Variants in ARID2 observed in about 807,000 individuals in gnomAD.
ARID2 encodes AT-rich interaction domain 2, also known as AT-rich interactive domain-containing protein 2.
Under a neutral mutation model 184.6 loss-of-function variants are expected in ARID2, and 32 were observed. The ratio of observed to expected loss-of-function variants is 0.17; its 90% confidence interval spans 0.13 to 0.23. The LOEUF is 0.23. Ranked by LOEUF, ARID2 falls within the 10% of genes least tolerant of loss-of-function variation. ARID2 has a pLI of 1.00. For missense variants in ARID2, 1,696 were observed against 2,197.6 expected (o/e 0.77, Z 4.56); for synonymous variants, 836 against 772.6 (o/e 1.08, Z -1.36).
chr12:45,821,430 C>A lies in ARID2; in HGVS notation c.648C>A (p.Ser216=). ...TTATTTGTTTTTTAGCTTTAGGATC[C>A]TTTTCCACTGTATTTGGAGAAGAAT... ...NAGVFDDTLG[S]FSTVFGEEWK... is the part of the protein sequence containing the mutation. Residue 216 remains serine (S), a synonymous_variant, in exon 6 of 21, where the codon TCC becomes TCA. Coordinates refer to ENST00000334344, the MANE Select transcript of ARID2 (RefSeq NM_152641.4). 1.3e-6 allele frequency: 2 copies of A among 1,517,234 alleles called. No individual in the cohort carries two copies. Among genetic ancestry groups the A allele is most frequent in the Admixed American group, 2.3e-5 (1 of 42,568 alleles). 94.0% of individuals were successfully genotyped at this position (1,517,234 alleles called of 1,614,324 possible). A position where few individuals can be genotyped will look rare whatever the true frequency, so the allele number is the denominator to read the frequency against.
chr12:45,792,918 A>C (rs1942319222), intron 3 of ARID2, among the ~76,000 whole-genome samples: 1 of 152,212 alleles, frequency 6.6e-6, no homozygotes, highest in Admixed American at 6.5e-5. Context: ...CATATACTTG[A>C]ATTTTTAAAA....
chr12:45,736,070 A>T (rs1436453906), intron 3 of ARID2, among the ~76,000 whole-genome samples: 2 of 152,190 alleles, frequency 1.3e-5, no homozygotes, highest in African/African-American at 2.4e-5. Flanking sequence ...AGACAAGTAT[A>T]TTGTGGCCGG....
At chr12:45,861,672 C>A in intron 16 of ARID2, among the ~76,000 whole-genome samples, 1 of 151,150 alleles carries the variant, frequency 6.6e-6, no homozygotes, top group Non-Finnish European at 1.5e-5. Context: ...GCAACCTCCA[C>A]CTCCTAGGTT....
chr12:45,752,152 C>T (rs1433442581), intron 3 of ARID2, among the ~76,000 whole-genome samples: 1 of 152,016 alleles, frequency 6.6e-6, no homozygotes, highest in Non-Finnish European at 1.5e-5. Flanking sequence ...TTAGAAGATC[C>T]ATGGAGGGAA....
intron 3 of ARID2, among the ~76,000 whole-genome samples, chr12:45,801,197 A>G (rs948892242): frequency 2.0e-5 from 3 of 152,118 alleles, no homozygotes; most frequent in African/African-American, 7.2e-5. Context: ...CCGTAGTCGC[A>G]GCTACTTGGT....
At chr12:45,814,512 T>C (rs1345568329) in intron 4 of ARID2, among the ~76,000 whole-genome samples, 1 of 152,088 alleles carries the variant, frequency 6.6e-6, no homozygotes, top group Middle Eastern at 3.2e-3. Context: ...TGGCCAGGTG[T>C]GGTGTCGCAT....
At chr12:45,752,599 G>A (rs1481216500) in intron 3 of ARID2, among the ~76,000 whole-genome samples, 4 of 152,110 alleles carry the variant, frequency 2.6e-5, no homozygotes, top group South Asian at 2.1e-4. Flanking sequence ...ATAGCTCACC[G>A]TAGCCTTGAA....
rs574429317 is a variant in ARID2 at position 45,872,046 on chromosome 12, T to C, written c.4922+11097T>C. Among the ~76,000 whole-genome samples, 249 of 148,942 alleles carry C rather than the reference T, an allele frequency of 1.7e-3. 1 individual carries two copies. The highest frequency in any genetic ancestry group is 5.7e-3 in the African/African-American group (237 of 41,282). ...CTACAGGTTTATGTATTTTATTGAA[T>C]TTTTTTTCCCCCAAAGAACCAGCTT... On this transcript the variant is annotated intron_variant, in intron 16 of 20. Transcript: ENST00000334344.
chr12:45,869,413 C>CT (rs1015212165), intron 16 of ARID2, among the ~76,000 whole-genome samples: 21 of 149,602 alleles, frequency 1.4e-4, no homozygotes, highest in Admixed American at 6.0e-4. Context: ...CATGTTATTA[C>CT]TTTTTTTTTT....
intron 20 of ARID2, 126 bp from the exon 21 acceptor site, chr12:45,904,808 A>G: frequency 1.1e-6 from 1 of 905,972 alleles, no homozygotes; most frequent in Non-Finnish European, 1.6e-6. Context: ...GCAATACTAT[A>G]TTAACATTTA....
At chr12:45,897,266 T>C (rs1332112757) in intron 20 of ARID2, among the ~76,000 whole-genome samples, 1 of 152,250 alleles carries the variant, frequency 6.6e-6, no homozygotes, top group Non-Finnish European at 1.5e-5. Flanking sequence ...CCCTGTACCA[T>C]ATATAAAACC....
At position 45,851,293 on chromosome 12, in the gene ARID2, C is replaced by T. The variant is rs1234210825; in HGVS notation, c.3170C>T (p.Ser1057Leu). The part of the protein sequence containing the change: ...AGVGQPASGE[S>L]SLIKQLLLPK... ...GTTGGTCAGCCTGCCTCTGGTGAGT[C>T]GAGTCTGATTAAACAGCTTCTGCTT... Residue 1057 changes from serine (S) to leucine (L), a missense_variant, in exon 15 of 21, where the codon TCG becomes TTG. Ser to Leu is a moderately radical substitution (Grantham distance 145, BLOSUM62 -2). Transcript: ENST00000334344. 1.9e-6 allele frequency: 3 copies of T among 1,614,146 alleles called. No individual in the cohort carries two copies. The highest frequency in any genetic ancestry group is 2.5e-6 in the Non-Finnish European group (3 of 1,180,026).
chr12:45,890,515 T>C (rs2073509621), intron 16 of ARID2, among the ~76,000 whole-genome samples: 1 of 152,214 alleles, frequency 6.6e-6, no homozygotes, highest in African/African-American at 2.4e-5. Flanking sequence ...ATAACAGAAC[T>C]CAAATCATAT....
chr12:45,745,611 A>C (rs1372579211), intron 3 of ARID2, among the ~76,000 whole-genome samples: 2 of 152,170 alleles, frequency 1.3e-5, no homozygotes, highest in African/African-American at 4.8e-5. Context: ...GCAGTGGCGC[A>C]ATCTCGGCTC....
At chr12:45,825,690 T>A (rs530434817) in intron 6 of ARID2, among the ~76,000 whole-genome samples, 2 of 152,154 alleles carry the variant, frequency 1.3e-5, no homozygotes, top group Non-Finnish European at 2.9e-5. Flanking sequence ...TAATGAGACC[T>A]CGTCTCTACA....
chr12:45,762,726 C>T (rs1249815985), intron 3 of ARID2, among the ~76,000 whole-genome samples: 1 of 152,158 alleles, frequency 6.6e-6, no homozygotes, highest in Non-Finnish European at 1.5e-5. Flanking sequence ...GTGCTAGTCT[C>T]TTAACTTTTC....
In ARID2 at chr12:45,906,850, T is replaced by A. The variant is rs1039880786; in HGVS notation, c.*1772T>A. 1 of 232,194 alleles carries A rather than the reference T, an allele frequency of 4.3e-6. No individual in the cohort carries two copies. Among genetic ancestry groups the A allele is most frequent in the Non-Finnish European group, 8.5e-6 (1 of 117,508 alleles). 14.4% of individuals were successfully genotyped at this position (232,194 alleles called of 1,614,324 possible). A position where few individuals can be genotyped will look rare whatever the true frequency, so the allele number is the denominator to read the frequency against. Reference sequence around the variant, plus strand: ...GGATACTGTACATTTGGCTAAAAGCTTTTATTGTTTGATGTTGTGTTTCTT... The same window carrying A: ...GGATACTGTACATTTGGCTAAAAGCATTTATTGTTTGATGTTGTGTTTCTT... On this transcript the variant is annotated 3_prime_UTR_variant, in exon 21 of 21. Transcript: ENST00000334344.
chr12:45,883,855 G>C (rs1477509840), intron 16 of ARID2, among the ~76,000 whole-genome samples: 2 of 152,048 alleles, frequency 1.3e-5, no homozygotes, highest in Non-Finnish European at 2.9e-5. Flanking sequence ...GAATATGCCA[G>C]ATACATAGTA....
intron 3 of ARID2, chr12:45,776,195 G>A (rs933085651): frequency 3.2e-5 from 5 of 157,256 alleles, no homozygotes; most frequent in Admixed American, 2.6e-4. Context: ...GACCTACTCA[G>A]TCAGAAACTC....
Sources: allele counts gnomAD v4.1 joint callset (sites outside exome capture counted in the v4.1 genomes callset), GRCh38; gene constraint gnomAD v4.1.1; transcripts MANE v1.5; gene names NCBI Gene and HGNC (gene_info 2026-07-23, HGNC 2026-07-21).